The following CLPX variants were observed in gnomAD, a reference collection of about 807,000 sequenced individuals.
CLPX encodes ATP-dependent clpX-like chaperone, mitochondrial.
CLPX carries 34 observed loss-of-function variants against 76.4 expected under a neutral mutation model. The ratio of observed to expected loss-of-function variants is 0.45; its 90% CI spans 0.34 to 0.59. CLPX has a LOEUF of 0.59. Ranked by LOEUF, CLPX falls within the 20% of genes least tolerant of loss-of-function variation. The pLI is 0.01. For missense variants in CLPX, 613 were observed against 757.0 expected (o/e 0.81, Z 2.23); for synonymous variants, 248 against 270.9 (o/e 0.92, Z 0.83).
chr15:65,176,349 C>G (rs953066103), intron 3 of CLPX, among the ~76,000 whole-genome samples: 5 of 152,120 alleles, frequency 3.3e-5, no homozygotes, highest in Non-Finnish European at 5.9e-5. Context: ...CTAGTTTACT[C>G]CTAAAGTATC....
intron 11 of CLPX, among the ~76,000 whole-genome samples, chr15:65,154,047 C>T (rs1409233592): frequency 6.6e-6 from 1 of 152,140 alleles, no homozygotes; most frequent in Middle Eastern, 3.2e-3. Flanking sequence ...CTAAATAAGA[C>T]TAGGGAACCA....
At chr15:65,153,228 T>A (rs2087746392) in intron 12 of CLPX, among the ~76,000 whole-genome samples, 1 of 150,972 alleles carries the variant, frequency 6.6e-6, no homozygotes, top group African/African-American at 2.4e-5. Flanking sequence ...GGCAGGCAGA[T>A]CACCTGAGGT....
At chr15:65,160,348 T>C in intron 6 of CLPX, among the ~76,000 whole-genome samples, 1 of 152,176 alleles carries the variant, frequency 6.6e-6, no homozygotes, top group African/African-American at 2.4e-5. Flanking sequence ...GGTTAATAAT[T>C]AGTGAATAAT....
intron 4 of CLPX, 94 bp downstream of exon 4, chr15:65,166,537 T>A: frequency 8.0e-7 from 1 of 1,250,602 alleles, no homozygotes; most frequent in Admixed American, 2.1e-5. Flanking sequence ...CTTGTTTATA[T>A]ACTAGTATTA....
Position 65,156,947 on chromosome 15 carries a change from G to C in CLPX, c.1058-15C>G. 1 of 1,551,676 alleles carries C rather than the reference G, an allele frequency of 6.4e-7. No individual in the cohort carries two copies. The highest frequency in any genetic ancestry group is 8.9e-7 in the Non-Finnish European group (1 of 1,127,490). The stretch of plus-strand genomic sequence containing the variant: ...AAAGACAATTCCTATAATTTAAGGA[G>C]GATTCTATTTATAATACGAAAAAGA... On this transcript the variant is annotated splice_polypyrimidine_tract_variant and intron_variant, in intron 8 of 13. Transcript: ENST00000300107.
chr15:65,178,633 G>A (rs2088121135), intron 3 of CLPX, among the ~76,000 whole-genome samples: 1 of 151,302 alleles, frequency 6.6e-6, no homozygotes, highest in Non-Finnish European at 1.5e-5. Context: ...CATGACCATG[G>A]CTCACTGCAG....
chr15:65,178,981 C>T lies in CLPX; in HGVS notation c.311G>A (p.Arg104His), dbSNP rs369681637. The T allele has an allele frequency of 9.9e-6, 16 of 1,611,878 alleles. No individual in the cohort carries two copies. The Middle Eastern group carries it at 5.0e-4, about 50-fold the overall frequency. ...GCACAAGTCGCCACATTTAGGACAG[C>T]GCAGCTGGTTTCCACCTTTCCCAGA... Reference protein sequence around the residue: ...GNSGKGGNQLRCPKCGDLCTH... With the variant: ...GNSGKGGNQLHCPKCGDLCTH... The change falls in exon 3 of 14, where the codon CGC (arginine) becomes CAC (histidine). Residue 104 changes from arginine to histidine, a missense_variant. Arg to His is a conservative substitution (Grantham distance 29). Around this residue, in one of 2 missense-constraint regions of CLPX, gnomAD observed 450 missense variants for 638.6 expected, o/e 0.70. Coordinates refer to ENST00000300107, the MANE Select transcript of CLPX (RefSeq NM_006660.5).
At position 65,185,320 on chromosome 15, in the gene CLPX, C is replaced by T; in HGVS notation, c.-167G>A. On this transcript the variant is annotated 5_prime_UTR_variant, in exon 1 of 14. Coordinates refer to ENST00000300107, the MANE Select transcript of CLPX (RefSeq NM_006660.5). ...GCCAGGCCTTCACGCTTCTCTGCCC[C>T]ACAGCCGTCTATTCACCAGAGTAGA... The T allele has an allele frequency of 1.7e-6, 1 of 598,118 alleles. No homozygotes were observed. Among genetic ancestry groups the T allele is most frequent in the Non-Finnish European group, 3.0e-6 (1 of 336,846 alleles). 37.1% of individuals were successfully genotyped at this position (598,118 alleles called of 1,614,324 possible). A position where few individuals can be genotyped will look rare whatever the true frequency, so the allele number is the denominator to read the frequency against.
intron 1 of CLPX, 53 bp from the exon 2 acceptor site, chr15:65,180,257 CT>C: frequency 7.2e-7 from 1 of 1,396,288 alleles, no homozygotes; most frequent in South Asian, 1.4e-5. Flanking sequence ...AATAAATCCC[CT>C]GGAAACAAAA....
chr15:65,170,340 A>T (rs1307546291), intron 3 of CLPX, among the ~76,000 whole-genome samples: 1 of 151,866 alleles, frequency 6.6e-6, no homozygotes, highest in Non-Finnish European at 1.5e-5. Flanking sequence ...AATTCATGGA[A>T]TTTTTTTTCC....
intron 3 of CLPX, among the ~76,000 whole-genome samples, chr15:65,177,515 A>T (rs1322205110): frequency 6.6e-6 from 1 of 152,166 alleles, no homozygotes; most frequent in Non-Finnish European, 1.5e-5. Flanking sequence ...ATTATGGTTA[A>T]TGGTAAGTGT....
intron 3 of CLPX, among the ~76,000 whole-genome samples, chr15:65,174,427 G>T (rs2088059303): frequency 6.6e-6 from 1 of 151,196 alleles, no homozygotes; most frequent in Admixed American, 6.6e-5. Flanking sequence ...ACCAAGCCTG[G>T]CTAATTTTTG....
At chr15:65,175,705 A>G (rs1315075138) in intron 3 of CLPX, among the ~76,000 whole-genome samples, 2 of 152,168 alleles carry the variant, frequency 1.3e-5, no homozygotes, top group Non-Finnish European at 2.9e-5. Context: ...ACGCACTCAA[A>G]AGGATTTCAG....
intron 3 of CLPX, among the ~76,000 whole-genome samples, chr15:65,178,146 C>A (rs2088114053): frequency 6.6e-6 from 1 of 152,084 alleles, no homozygotes. Context: ...TCAGATGCTT[C>A]CCGGAATTGA....
At chr15:65,152,401 A>G in intron 13 of CLPX, 29 bp downstream of exon 13, 1 of 1,104,560 alleles carries the variant, frequency 9.1e-7, no homozygotes, top group South Asian at 2.0e-5. Context: ...TAAATTTTGT[A>G]TCTGTTCTGG....
intron 3 of CLPX, among the ~76,000 whole-genome samples, chr15:65,173,909 T>C (rs149935736): frequency 2.6e-5 from 4 of 152,260 alleles, no homozygotes; most frequent in African/African-American, 9.6e-5. Flanking sequence ...ATGGAGTTTC[T>C]TTCTGGGGTG....
In CLPX at chr15:65,148,712, G is replaced by A. The variant is rs2087682718; in HGVS notation, c.*2111C>T. On this transcript the variant is annotated 3_prime_UTR_variant, in exon 14 of 14. Coordinates refer to ENST00000300107, the MANE Select transcript of CLPX (RefSeq NM_006660.5). ...TTTCCCTAAAAAAAACTGTGTAAAA[G>A]GAAAGCTCGAGTCTATAAACCAAAA... is the stretch of plus-strand genomic sequence containing the variant. 1 of 151,122 alleles carries A rather than the reference G, an allele frequency of 6.6e-6. No individual in the cohort carries two copies. Among genetic ancestry groups the A allele is most frequent in the African/African-American group, 2.4e-5 (1 of 41,110 alleles). The allele number at this position is 151,122 out of a possible 1,614,324, so 9.4% of individuals were successfully genotyped here.
rs1404361942 is a variant in CLPX, at chr15:65,155,189, G to A, written c.1312-108C>T. ...TCTTTGTAACAACTCTATGAAGAAG[G>A]TTTTATTATCATTTACATTTTACAA... On this transcript the variant is annotated intron_variant, in intron 10 of 13. Coordinates refer to ENST00000300107, the MANE Select transcript of CLPX (RefSeq NM_006660.5). The A allele has an allele frequency of 4.1e-6, 4 of 976,822 alleles. No individual in the cohort carries two copies. The South Asian group carries it at 6.9e-5, about 17-fold the overall frequency. The allele number at this position is 976,822 out of a possible 1,614,324, so 60.5% of individuals were successfully genotyped here.
At chr15:65,168,687 T>A (rs1297422143) in intron 3 of CLPX, among the ~76,000 whole-genome samples, 8 of 151,622 alleles carry the variant, frequency 5.3e-5, no homozygotes, top group Non-Finnish European at 7.4e-5. Flanking sequence ...ACATGGCACA[T>A]GTATACCTAT....
Sources: gnomAD v4.1 joint callset for allele counts (sites outside exome capture counted in the v4.1 genomes callset) on GRCh38, gnomAD v4.1.1 for gene constraint, gnomAD v4.1.1 regional missense constraint, MANE v1.5 for transcripts, NCBI Gene and HGNC (gene_info 2026-07-23, HGNC 2026-07-21) for gene names.